Variants in PLCL2 observed in about 807,000 individuals in gnomAD.
The protein encoded by PLCL2 is inactive phospholipase C-like protein 2.
A neutral mutation model predicts 79.6 loss-of-function variants in PLCL2; 4 were observed. The ratio of observed to expected loss-of-function variants is 0.05; its 90% CI spans 0.02 to 0.11. The LOEUF (loss-of-function observed/expected upper bound fraction) is 0.11. Among genes scored for constraint, PLCL2 ranks in the 10% least tolerant of loss-of-function variants. The pLI is 1.00. For missense variants in PLCL2, 895 were observed against 1,291.0 expected (o/e 0.69, Z 4.70); for synonymous variants, 484 against 457.7 (o/e 1.06, Z -0.73).
At chr3:16,930,810 C>G (rs1697375032) in intron 1 of PLCL2, among the ~76,000 whole-genome samples, 1 of 152,302 alleles carries the variant, frequency 6.6e-6, no homozygotes, top group African/African-American at 2.4e-5. Flanking sequence ...CTTAAGTCTG[C>G]TGCTCCTGCA....
At chr3:17,039,013 A>C (rs995530176) in intron 3 of PLCL2, among the ~76,000 whole-genome samples, 1 of 152,230 alleles carries the variant, frequency 6.6e-6, no homozygotes, top group African/African-American at 2.4e-5. Context: ...CAGTGTTCAC[A>C]TGTGTAAAAC....
intron 1 of PLCL2, among the ~76,000 whole-genome samples, chr3:17,002,665 A>G (rs2064222500): frequency 6.6e-6 from 1 of 152,044 alleles, no homozygotes; most frequent in South Asian, 2.1e-4. Flanking sequence ...CTAGGACATT[A>G]TCTCTTCAAA....
intron 3 of PLCL2, among the ~76,000 whole-genome samples, chr3:17,023,364 C>A (rs2064477110): frequency 6.6e-6 from 1 of 152,148 alleles, no homozygotes; most frequent in Admixed American, 6.6e-5. Context: ...GTGTCCCCAC[C>A]CAAATCTCAA....
intron 1 of PLCL2, among the ~76,000 whole-genome samples, chr3:16,941,722 C>T (rs989239997): frequency 7.2e-5 from 11 of 152,070 alleles, no homozygotes; most frequent in Admixed American, 2.0e-4. Context: ...TCCATAGCAC[C>T]GCAACTATCT....
chr3:16,935,761 C>G (rs1052231531), intron 1 of PLCL2, among the ~76,000 whole-genome samples: 1 of 152,010 alleles, frequency 6.6e-6, no homozygotes, highest in African/African-American at 2.4e-5. Flanking sequence ...AATACTTATA[C>G]CTGGGCAACA....
In PLCL2 at chr3:16,887,477, T is replaced by C. The variant is rs556909097; in HGVS notation, c.327+2111T>C. ...GAAGGCTTGACATACTCCTTTTTCTTGCCTCTGTTTTCACTTTGCATTTTC... is the reference window on the plus strand; with the variant it reads ...GAAGGCTTGACATACTCCTTTTTCTCGCCTCTGTTTTCACTTTGCATTTTC... On this transcript the variant is annotated intron_variant, in intron 1 of 5. Coordinates refer to ENST00000615277, the MANE Select transcript of PLCL2 (RefSeq NM_001144382.2). The surrounding 1 kb of genome is among the most constrained non-coding windows in gnomAD (Gnocchi z 4.1). 6.6e-6 allele frequency among the ~76,000 whole-genome samples: 1 copy of C among 152,342 alleles called. No homozygotes were observed. The highest frequency in any genetic ancestry group is 1.9e-4 in the East Asian group (1 of 5,192).
intron 1 of PLCL2, among the ~76,000 whole-genome samples, chr3:16,904,687 T>C (rs1696711111): frequency 6.6e-6 from 1 of 152,130 alleles, no homozygotes; most frequent in Non-Finnish European, 1.5e-5. Flanking sequence ...TCATCTTGAA[T>C]TGTAGTTCCC....
intron 1 of PLCL2, among the ~76,000 whole-genome samples, chr3:16,986,680 G>A (rs558212677): frequency 3.8e-4 from 58 of 152,212 alleles, no homozygotes; most frequent in Non-Finnish European, 7.4e-4. Context: ...TGGGATTACA[G>A]GCATGAGCCA....
rs928043684 is a variant in PLCL2 at position 16,980,759 on chromosome 3, C to G, written c.328-28915C>G. ...GGCGGCCGGGCAGAGGCTGCAATCT[C>G]GGCACTTTGGGAGGCCAAGGCAGGC... On this transcript the variant is annotated intron_variant, in intron 1 of 5. Coordinates refer to ENST00000615277, the MANE Select transcript of PLCL2 (RefSeq NM_001144382.2). 6.6e-5 allele frequency among the ~76,000 whole-genome samples: 10 copies of G among 152,340 alleles called. No individual in the cohort carries two copies. The South Asian group carries it at 1.5e-3, about 22-fold the overall frequency.
intron 1 of PLCL2, among the ~76,000 whole-genome samples, chr3:16,974,005 A>G (rs561947338): frequency 9.7e-4 from 148 of 152,308 alleles, no homozygotes; most frequent in African/African-American, 3.3e-3. Flanking sequence ...ACTGAGTAGG[A>G]GTTGAACTAA....
intron 1 of PLCL2, among the ~76,000 whole-genome samples, chr3:16,958,551 A>ATGAG (rs1403893128): frequency 2.0e-5 from 3 of 152,232 alleles, no homozygotes; most frequent in South Asian, 4.1e-4. Flanking sequence ...TGTAATTGAA[A>ATGAG]TGAGTGACAT....
intron 1 of PLCL2, among the ~76,000 whole-genome samples, chr3:16,935,179 A>G (rs906749049): frequency 6.6e-6 from 1 of 152,162 alleles, no homozygotes; most frequent in African/African-American, 2.4e-5. Flanking sequence ...AGTTTTTTTC[A>G]TGCTTATCAA....
intron 1 of PLCL2, among the ~76,000 whole-genome samples, chr3:16,957,552 G>A (rs966773261): frequency 5.3e-5 from 8 of 152,144 alleles, no homozygotes; most frequent in African/African-American, 1.9e-4. Flanking sequence ...GGTCTGCTTG[G>A]TGCAGAGCTG....
At chr3:16,995,338 AT>A (rs1325970981) in intron 1 of PLCL2, among the ~76,000 whole-genome samples, 1 of 152,248 alleles carries the variant, frequency 6.6e-6, no homozygotes, top group East Asian at 1.9e-4. Flanking sequence ...GGTGAGTTGT[AT>A]TTGCACACAA....
At chr3:16,985,505 G>C (rs946857235) in intron 1 of PLCL2, among the ~76,000 whole-genome samples, 1 of 152,078 alleles carries the variant, frequency 6.6e-6, no homozygotes, top group Non-Finnish European at 1.5e-5. Context: ...GAAATTTTTA[G>C]CTTATTATTC....
chr3:16,918,189 G>C (rs1485455823), intron 1 of PLCL2, among the ~76,000 whole-genome samples: 1 of 152,124 alleles, frequency 6.6e-6, no homozygotes, highest in Admixed American at 6.5e-5. Context: ...TTATAAGGAA[G>C]AACAGATTAT....
chr3:17,005,914 T>C (rs1229090414), intron 1 of PLCL2, among the ~76,000 whole-genome samples: 3 of 152,178 alleles, frequency 2.0e-5, no homozygotes, highest in Non-Finnish European at 4.4e-5. Flanking sequence ...TCAGAAGCTT[T>C]GGGTGATGAG....
intron 4 of PLCL2, chr3:17,044,037 A>G (rs1459748893): frequency 6.6e-6 from 1 of 152,322 alleles, no homozygotes; most frequent in Non-Finnish European, 1.5e-5. Flanking sequence ...AACACAGTAA[A>G]TATATTGAAT....
At chr3:16,958,410 T>G (rs1256247417) in intron 1 of PLCL2, among the ~76,000 whole-genome samples, 1 of 152,196 alleles carries the variant, frequency 6.6e-6, no homozygotes, top group Non-Finnish European at 1.5e-5. Flanking sequence ...GAAAATGCAT[T>G]TGATGTACAG....
Sources: allele counts gnomAD v4.1 joint callset (sites outside exome capture counted in the v4.1 genomes callset), GRCh38; gene constraint gnomAD v4.1.1; non-coding constraint Gnocchi (gnomAD v3.1); transcripts MANE v1.5; gene names NCBI Gene and HGNC (gene_info 2026-07-23, HGNC 2026-07-21).